ARHGAP26: variants seen among roughly 807,000 people sequenced by gnomAD.
The protein encoded by ARHGAP26 is rho GTPase-activating protein 26.
A neutral mutation model predicts 104.8 loss-of-function variants in ARHGAP26; 38 were observed. The observed-to-expected ratio is 0.36, with a 90% CI of 0.28 to 0.48. The LOEUF (loss-of-function observed/expected upper bound fraction) is 0.48, where lower values mean the gene tolerates loss of function less well. Among genes scored for constraint, ARHGAP26 ranks in the 20% least tolerant of loss-of-function variants. The probability of loss-of-function intolerance (pLI) is 0.99; values close to 1 mark genes in which losing one functional copy is unlikely to be tolerated. For missense variants in ARHGAP26, 704 were observed against 947.9 expected, an observed-to-expected ratio of 0.74 and a Z score of 3.38; for synonymous variants, 341 against 340.0, an observed-to-expected ratio of 1.00 and a Z score of -0.03.
chr5:143,099,394 TG>T (rs1377044418), intron 17 of ARHGAP26, among the ~76,000 whole-genome samples: 1 of 152,126 alleles, frequency 6.6e-6, no homozygotes, highest in Non-Finnish European at 1.5e-5. Context: ...GGGTGAGACA[TG>T]GGGACCACTT....
rs569034552 is a variant in ARHGAP26, at chr5:143,144,606, C to G, written c.1838-2625C>G. 2.0e-5 allele frequency among the ~76,000 whole-genome samples: 3 copies of G among 152,264 alleles called. No individual in the cohort carries two copies. The East Asian group carries it at 5.8e-4, about 29-fold the overall frequency. On this transcript the variant is annotated intron_variant, in intron 19 of 22. Coordinates refer to ENST00000645722, the MANE Select transcript of ARHGAP26 (RefSeq NM_001135608.3). ...TTTTTTTGTAGAGATGGGGGTCTCA[C>G]TGTGTTTACCAGGTTGATCTCAAAC...
intron 1 of ARHGAP26, among the ~76,000 whole-genome samples, chr5:142,870,674 G>T (rs1755153864): frequency 6.6e-6 from 1 of 152,206 alleles, no homozygotes; most frequent in Non-Finnish European, 1.5e-5. Context: ...CCTATACAGT[G>T]TTTCTCACTG....
chr5:142,890,132 G>A (rs1400576066), intron 5 of ARHGAP26, among the ~76,000 whole-genome samples: 5 of 39,536 alleles, frequency 1.3e-4, no homozygotes, highest in East Asian at 5.0e-3. Context: ...GCGAAACTCC[G>A]TCTTAAAAAA....
At chr5:142,799,257 TG>T (rs1436458350) in intron 1 of ARHGAP26, among the ~76,000 whole-genome samples, 2 of 152,182 alleles carry the variant, frequency 1.3e-5, no homozygotes, top group Non-Finnish European at 2.9e-5. Flanking sequence ...TTCTGCATTT[TG>T]GTTCTTTCTT....
chr5:142,889,052 G>A (rs1758113853), intron 5 of ARHGAP26, among the ~76,000 whole-genome samples: 1 of 152,134 alleles, frequency 6.6e-6, no homozygotes, highest in Non-Finnish European at 1.5e-5. Context: ...ACACCATTCT[G>A]GGGCATTGGC....
intron 11 of ARHGAP26, among the ~76,000 whole-genome samples, chr5:142,987,990 A>G (rs1049799769): frequency 6.6e-6 from 1 of 152,222 alleles, no homozygotes; most frequent in Non-Finnish European, 1.5e-5. Flanking sequence ...CTTTGGTATC[A>G]GGATGATGCT....
intron 17 of ARHGAP26, among the ~76,000 whole-genome samples, chr5:143,091,196 C>G (rs1791382019): frequency 6.6e-6 from 1 of 152,158 alleles, no homozygotes. Flanking sequence ...GTGATGAGTC[C>G]ATCCGCTTTC....
At chr5:142,983,945 A>G (rs1193191678) in intron 11 of ARHGAP26, among the ~76,000 whole-genome samples, 3 of 152,204 alleles carry the variant, frequency 2.0e-5, no homozygotes, top group Non-Finnish European at 4.4e-5. Context: ...ACAATTGAAA[A>G]TCCAACAAAC....
At chr5:143,134,201 C>T in intron 19 of ARHGAP26, 96 bp downstream of exon 19, 1 of 1,401,506 alleles carries the variant, frequency 7.1e-7, no homozygotes, top group African/African-American at 1.4e-5. Flanking sequence ...TCTCTGTGTG[C>T]TACTGGCTTT....
intron 1 of ARHGAP26, among the ~76,000 whole-genome samples, chr5:142,834,911 C>T (rs1769250020): frequency 6.6e-6 from 1 of 152,200 alleles, no homozygotes; most frequent in Admixed American, 6.5e-5. Flanking sequence ...TACCATATCA[C>T]CCAAAGAGTG....
intron 10 of ARHGAP26, among the ~76,000 whole-genome samples, chr5:142,918,636 C>CT (rs1285228835): frequency 6.6e-6 from 1 of 151,974 alleles, no homozygotes; most frequent in East Asian, 1.9e-4. Context: ...TAGTGCCTTC[C>CT]TTTTTTTCAG....
chr5:142,817,271 T>C (rs988651481), intron 1 of ARHGAP26, among the ~76,000 whole-genome samples: 19 of 152,190 alleles, frequency 1.2e-4, no homozygotes, highest in African/African-American at 4.1e-4. Context: ...ACCCAGCAGC[T>C]GGCTGGAAAG....
intron 1 of ARHGAP26, among the ~76,000 whole-genome samples, chr5:142,817,661 C>A (rs1443439093): frequency 1.3e-5 from 2 of 152,138 alleles, no homozygotes; most frequent in Non-Finnish European, 2.9e-5. Flanking sequence ...AAGTGCCCAC[C>A]TCTCATGAGG....
At chr5:142,785,826 A>G (rs775798034) in intron 1 of ARHGAP26, among the ~76,000 whole-genome samples, 1 of 151,920 alleles carries the variant, frequency 6.6e-6, no homozygotes, top group Admixed American at 6.6e-5. Flanking sequence ...TACCATCTGT[A>G]TGTTTTCTCT....
intron 11 of ARHGAP26, among the ~76,000 whole-genome samples, chr5:143,008,340 C>G (rs1562250861): frequency 6.6e-6 from 1 of 152,216 alleles, no homozygotes; most frequent in Non-Finnish European, 1.5e-5. Flanking sequence ...TCTGTCGCCA[C>G]TGACAGACAC....
chr5:143,057,852 C>T (rs1786066696), intron 17 of ARHGAP26, 105 bp downstream of exon 17: 1 of 936,490 alleles, frequency 1.1e-6, no homozygotes. Context: ...CCCACTATTG[C>T]ATCAGGTATG....
At chr5:142,793,252 C>CTTTTT (rs56941301) in intron 1 of ARHGAP26, among the ~76,000 whole-genome samples, 6 of 107,130 alleles carry the variant, frequency 5.6e-5, no homozygotes, top group African/African-American at 1.6e-4. Flanking sequence ...TATCCCTTTG[C>CTTTTT]TTTTTTTTTT....
At chr5:142,977,062 A>G (rs1773201096) in intron 11 of ARHGAP26, among the ~76,000 whole-genome samples, 1 of 152,218 alleles carries the variant, frequency 6.6e-6, no homozygotes, top group Admixed American at 6.5e-5. Flanking sequence ...GTCATATGCT[A>G]GCCCTGGGGT....
Position 143,171,862 on chromosome 5 carries a change from A to G in ARHGAP26, c.1988+24481A>G, listed in dbSNP as rs139248144. Among the ~76,000 whole-genome samples the G allele has an allele frequency of 6.6e-5, 10 of 152,212 alleles. No homozygotes were observed. In the East Asian group the frequency reaches 1.9e-3, roughly 29 times the overall value. On this transcript the variant is annotated intron_variant, in intron 20 of 22. Coordinates refer to ENST00000645722, the MANE Select transcript of ARHGAP26 (RefSeq NM_001135608.3). ...CACAATCCCAGCATCTACTGATTAC[A>G]TTTCCCATTTACTGTTAGGTTTGCG...
Sources: allele counts gnomAD v4.1 joint callset (sites outside exome capture counted in the v4.1 genomes callset), GRCh38; gene constraint gnomAD v4.1.1; transcripts MANE v1.5; gene names NCBI Gene and HGNC (gene_info 2026-07-23, HGNC 2026-07-21).